The following BPTF variants were observed in gnomAD, a reference collection of about 807,000 sequenced individuals.
BPTF encodes the protein nucleosome-remodeling factor subunit BPTF.
A neutral mutation model predicts 292.5 loss-of-function variants in BPTF; 18 were observed. That is an observed-to-expected ratio of 0.06 (90% CI 0.04 to 0.09). The LOEUF is 0.09. Ranked by LOEUF, BPTF falls within the 10% of genes least tolerant of loss-of-function variation. The probability of loss-of-function intolerance (pLI) is 1.00; values close to 1 mark genes in which losing one functional copy is unlikely to be tolerated. For synonymous variants in BPTF, 1,225 were observed against 1,251.9 expected, an observed-to-expected ratio of 0.98 and a Z score of 0.45; for missense variants, 2,726 against 3,498.7, an observed-to-expected ratio of 0.78 and a Z score of 5.57.
chr17:67,964,373 A>G lies in BPTF; in HGVS notation c.8423A>G (p.Glu2808Gly), dbSNP rs781869770. The change falls in exon 25 of 28, where the codon GAG (glutamate) becomes GGG (glycine). Residue 2808 changes from glutamate (E) to glycine (G), a missense_variant. Physicochemically the swap from Glu to Gly is moderately conservative, Grantham distance 98. This residue lies in a region of BPTF where 48 missense variants were observed against 114.2 expected (regional missense o/e 0.42). Transcript: ENST00000306378. ...VLTPLTEKDY[E>G]GLKRVLRSLQ... Reference sequence around the variant, plus strand: ...ACGCCACTAACAGAGAAGGATTATGAGGGGTTGAAGAGGGTGCTCCGTTCC... The same window carrying G: ...ACGCCACTAACAGAGAAGGATTATGGGGGGTTGAAGAGGGTGCTCCGTTCC... The G allele has an allele frequency of 5.0e-6, 8 of 1,614,038 alleles. No homozygotes were observed. The highest frequency in any genetic ancestry group is 1.3e-5 in the African/African-American group (1 of 74,926).
chr17:67,981,714 G>C, intron 27 of BPTF: 2 of 985,136 alleles, frequency 2.0e-6, no homozygotes, highest in Non-Finnish European at 2.4e-6. Context: ...TAACTGTACA[G>C]TAATTTGGTT....
intron 7 of BPTF, among the ~76,000 whole-genome samples, chr17:67,895,712 T>A (rs1294938095): frequency 1.3e-5 from 2 of 152,172 alleles, no homozygotes; most frequent in Non-Finnish European, 2.9e-5. Context: ...TCTGCCTGCC[T>A]CAGCCTACCG....
At chr17:67,922,196 TC>T (rs2063498464) in intron 13 of BPTF, among the ~76,000 whole-genome samples, 1 of 152,226 alleles carries the variant, frequency 6.6e-6, no homozygotes, top group South Asian at 2.1e-4. Flanking sequence ...TTGGCTTGTA[TC>T]CCTTTGTACA....
At chr17:67,970,999 G>A (rs1280217817) in intron 26 of BPTF, among the ~76,000 whole-genome samples, 4 of 152,300 alleles carry the variant, frequency 2.6e-5, no homozygotes, top group South Asian at 2.1e-4. Context: ...GTGCAGTGGC[G>A]CCATCACCAG....
intron 11 of BPTF, among the ~76,000 whole-genome samples, chr17:67,917,202 G>A (rs1257774334): frequency 6.8e-6 from 1 of 146,114 alleles, no homozygotes; most frequent in Non-Finnish European, 1.5e-5. Flanking sequence ...GAGCGATCTC[G>A]GCTCACTGCA....
At chr17:67,909,467 GA>G in intron 9 of BPTF, 114 bp from the exon 10 acceptor site, 1 of 612,774 alleles carries the variant, frequency 1.6e-6, no homozygotes. Context: ...TTTTTTAAAT[GA>G]AAAAATGAAA....
At chr17:67,891,454 C>G (rs2061105083) in intron 4 of BPTF, 1 of 155,182 alleles carries the variant, frequency 6.4e-6, no homozygotes, top group African/African-American at 2.4e-5. Context: ...GGAAATCTTT[C>G]AAAAACTTAA....
intron 1 of BPTF, among the ~76,000 whole-genome samples, chr17:67,827,411 C>T (rs2143578513): frequency 6.6e-6 from 1 of 152,170 alleles, no homozygotes. Flanking sequence ...GGTGAAACAC[C>T]CCCGGCCCCC....
intron 18 of BPTF, among the ~76,000 whole-genome samples, chr17:67,932,716 G>A (rs2064510009): frequency 6.6e-6 from 1 of 151,886 alleles, no homozygotes; most frequent in Admixed American, 6.6e-5. Flanking sequence ...AGAAAAAAAA[G>A]TTGAAAATGT....
intron 26 of BPTF, among the ~76,000 whole-genome samples, chr17:67,968,839 C>T (rs537751440): frequency 1.3e-5 from 2 of 150,760 alleles, no homozygotes; most frequent in South Asian, 2.1e-4. Flanking sequence ...AAAATTAGCC[C>T]GGCGTGGTGG....
intron 23 of BPTF, among the ~76,000 whole-genome samples, chr17:67,949,786 G>T (rs556227008): frequency 2.6e-5 from 4 of 151,384 alleles, no homozygotes; most frequent in Non-Finnish European, 5.9e-5. Context: ...GGCCAGACAC[G>T]GTGTCTCACG....
Position 67,912,779 on chromosome 17 carries a change from T to C in BPTF, c.4895T>C (p.Val1632Ala). Residue 1632 changes from valine to alanine, a missense_variant, in exon 11 of 28, where the codon GTG becomes GCG. Physicochemically the swap from Val to Ala is moderately conservative, Grantham distance 64. Around this residue, in one of 22 missense-constraint regions of BPTF, gnomAD observed 144 missense variants for 177.2 expected, o/e 0.81. Coordinates refer to ENST00000306378, the MANE Select transcript of BPTF (RefSeq NM_182641.4). ...KSTVTTTTTT[V>A]TKLSTPSTGG... ...ACTGTCACAACCACCACTACAACAG[T>C]GACCAAGCTTTCCACACCCTCCACA... 1 of 1,614,082 alleles carries C rather than the reference T, an allele frequency of 6.2e-7. No homozygotes were observed. The highest frequency in any genetic ancestry group is 8.5e-7 in the Non-Finnish European group (1 of 1,180,016).
Position 67,983,544 on chromosome 17 carries a change from C to T in BPTF, c.*1256C>T, listed in dbSNP as rs541520680. 1 of 152,666 alleles carries T rather than the reference C, an allele frequency of 6.6e-6. No homozygotes were observed. Among genetic ancestry groups the T allele is most frequent in the South Asian group, 2.1e-4 (1 of 4,830 alleles). The allele number at this position is 152,666 out of a possible 1,614,324, so 9.5% of individuals were successfully genotyped here. A position where few individuals can be genotyped will look rare whatever the true frequency, so the allele number is the denominator to read the frequency against. On this transcript the variant is annotated 3_prime_UTR_variant, in exon 28 of 28. Coordinates refer to ENST00000306378, the MANE Select transcript of BPTF (RefSeq NM_182641.4). The stretch of plus-strand genomic sequence containing the variant: ...TTTCTGTTTGTTGGTTTGTTTGTTT[C>T]TTCCACGTAAGGAAAAGTAGTGTAA...
At chr17:67,921,295 C>T (rs987416606) in intron 13 of BPTF, among the ~76,000 whole-genome samples, 2 of 150,424 alleles carry the variant, frequency 1.3e-5, no homozygotes, top group Admixed American at 1.3e-4. Context: ...GAGGCCGAGG[C>T]GGGCAGATCA....
At chr17:67,877,595 A>G (rs1476216880) in intron 4 of BPTF, among the ~76,000 whole-genome samples, 3 of 152,156 alleles carry the variant, frequency 2.0e-5, no homozygotes, top group Non-Finnish European at 4.4e-5. Flanking sequence ...CAGATTGGAA[A>G]GCATTTTGGA....
chr17:67,915,900 T>TA (rs1441760619), intron 11 of BPTF, among the ~76,000 whole-genome samples: 3 of 152,210 alleles, frequency 2.0e-5, no homozygotes, highest in Non-Finnish European at 4.4e-5. Context: ...TGAGCAGACT[T>TA]ACCGTGCATG....
intron 9 of BPTF, among the ~76,000 whole-genome samples, chr17:67,905,087 G>T (rs9897868): frequency 6.6e-6 from 1 of 151,900 alleles, no homozygotes; most frequent in African/African-American, 2.4e-5. Context: ...CGCCTCAGCC[G>T]CCTGATTATC....
At chr17:67,936,027 G>A (rs1411242678) in intron 18 of BPTF, among the ~76,000 whole-genome samples, 2 of 152,114 alleles carry the variant, frequency 1.3e-5, no homozygotes, top group Non-Finnish European at 2.9e-5. Context: ...TTGCCATAAT[G>A]TTACCTATAG....
At chr17:67,883,054 G>A (rs2060525535) in intron 4 of BPTF, among the ~76,000 whole-genome samples, 1 of 149,218 alleles carries the variant, frequency 6.7e-6, no homozygotes, top group Non-Finnish European at 1.5e-5. Flanking sequence ...GGTGGCTCAC[G>A]CCTATAATCC....
Sources: allele counts gnomAD v4.1 joint callset (sites outside exome capture counted in the v4.1 genomes callset), GRCh38; gene constraint gnomAD v4.1.1; regional missense constraint gnomAD v4.1.1; transcripts MANE v1.5; gene names NCBI Gene and HGNC (gene_info 2026-07-23, HGNC 2026-07-21).